The following MIPOL1 variants were observed in gnomAD, a reference collection of about 807,000 sequenced individuals.
The protein encoded by MIPOL1 is mirror-image polydactyly gene 1 protein.
In MIPOL1, 57 loss-of-function variants were observed where a neutral mutation model predicts 60.9. That is an observed-to-expected ratio of 0.94 (90% CI 0.76 to 1.17). The LOEUF (loss-of-function observed/expected upper bound fraction) is 1.17, where lower values mean the gene tolerates loss of function less well. Among genes scored for constraint, MIPOL1 ranks in the 50% most tolerant of loss-of-function variants. The pLI is 0.00. For missense variants in MIPOL1, 551 were observed against 511.6 expected (o/e 1.08, Z -0.74); for synonymous variants, 179 against 168.8 (o/e 1.06, Z -0.47).
At chr14:37,280,426 AAT>A (rs1189576221) in intron 6 of MIPOL1, among the ~76,000 whole-genome samples, 1 of 152,192 alleles carries the variant, frequency 6.6e-6, no homozygotes, top group East Asian at 1.9e-4. Flanking sequence ...AGTAATTTAC[AAT>A]ACCACCAACA....
At chr14:37,349,708 TTTC>T (rs1375772189) in intron 9 of MIPOL1, among the ~76,000 whole-genome samples, 4 of 152,306 alleles carry the variant, frequency 2.6e-5, no homozygotes, top group South Asian at 2.1e-4. Context: ...TTAACCTGTT[TTTC>T]TTCAACATTT....
At chr14:37,223,477 T>G (rs1330050951) in intron 1 of MIPOL1, among the ~76,000 whole-genome samples, 1 of 152,110 alleles carries the variant, frequency 6.6e-6, no homozygotes, top group Non-Finnish European at 1.5e-5. Context: ...TACCACAATA[T>G]TTTTCAGGAT....
At chr14:37,372,876 T>C (rs1280091063) in intron 10 of MIPOL1, among the ~76,000 whole-genome samples, 5 of 149,956 alleles carry the variant, frequency 3.3e-5, no homozygotes, top group Non-Finnish European at 7.4e-5. Context: ...ATTATACTGA[T>C]ACTAGTATAT....
intron 9 of MIPOL1, among the ~76,000 whole-genome samples, chr14:37,314,614 T>A (rs1026541993): frequency 2.0e-5 from 3 of 152,182 alleles, no homozygotes; most frequent in Admixed American, 6.5e-5. Context: ...TCTGTAAAGA[T>A]CACTCACATG....
At chr14:37,321,678 G>A (rs539454235) in intron 9 of MIPOL1, among the ~76,000 whole-genome samples, 2 of 152,006 alleles carry the variant, frequency 1.3e-5, no homozygotes, top group East Asian at 3.9e-4. Context: ...GATGTTTAAA[G>A]TATTCAATGA....
intron 12 of MIPOL1, among the ~76,000 whole-genome samples, chr14:37,512,285 C>T (rs1021529436): frequency 1.7e-5 from 1 of 59,194 alleles, no homozygotes; most frequent in Non-Finnish European, 3.0e-5. Context: ...TTCCTGCTGA[C>T]GAGTAAGAGT....
In MIPOL1 at chr14:37,538,077, A is replaced by G. The variant is rs556376537; in HGVS notation, c.1263-8828A>G. ...GCTTCTTTAGTTGCAGACTGACCTA[A>G]TAACTCAGTGATCTACTCACTAAGG... On this transcript the variant is annotated intron_variant, in intron 12 of 12. Coordinates refer to ENST00000684589, the MANE Select transcript of MIPOL1 (RefSeq NM_001388067.1). Among the ~76,000 whole-genome samples, 9 of 152,326 alleles carry G rather than the reference A, an allele frequency of 5.9e-5. No homozygotes were observed. The South Asian group carries it at 1.9e-3, about 32-fold the overall frequency.
chr14:37,350,099 T>C (rs984206664), intron 9 of MIPOL1, among the ~76,000 whole-genome samples: 1 of 152,148 alleles, frequency 6.6e-6, no homozygotes, highest in Non-Finnish European at 1.5e-5. Context: ...AGAAACAGGG[T>C]CTCACTCTGT....
At chr14:37,356,508 C>G (rs529773175) in intron 9 of MIPOL1, among the ~76,000 whole-genome samples, 3 of 152,104 alleles carry the variant, frequency 2.0e-5, no homozygotes, top group Admixed American at 6.5e-5. Flanking sequence ...CCCCCAGCCT[C>G]GCTGCCGCCT....
Position 37,426,956 on chromosome 14 carries a change from A to G in MIPOL1, c.1031+4007A>G, listed in dbSNP as rs113499391. Among the ~76,000 whole-genome samples, 506 of 152,196 alleles carry G rather than the reference A, an allele frequency of 3.3e-3. 5 individuals carry two copies. The highest frequency in any genetic ancestry group is 0.031 in the Middle Eastern group (9 of 294). ...AAAAAGATACAGAGAACTTTCCTGC[A>G]TCGCTGATGGGAATGTAAATTGATG... is the stretch of plus-strand genomic sequence containing the variant. On this transcript the variant is annotated intron_variant, in intron 11 of 12. Coordinates refer to ENST00000684589, the MANE Select transcript of MIPOL1 (RefSeq NM_001388067.1).
intron 9 of MIPOL1, among the ~76,000 whole-genome samples, chr14:37,331,754 T>C (rs1445988648): frequency 6.6e-6 from 1 of 152,182 alleles, no homozygotes; most frequent in Non-Finnish European, 1.5e-5. Context: ...TCGAGTATGC[T>C]TTATATCTTT....
At chr14:37,217,341 C>A (rs1967906166) in intron 1 of MIPOL1, among the ~76,000 whole-genome samples, 1 of 152,244 alleles carries the variant, frequency 6.6e-6, no homozygotes, top group Non-Finnish European at 1.5e-5. Flanking sequence ...TAATACCAAT[C>A]CCACTCAAAT....
chr14:37,499,996 G>A lies in MIPOL1; in HGVS notation c.1120G>A (p.Glu374Lys). ...STYEEALKNR[E>K]NIVSITQQQN... ...ATATGAAGAAGCTTTAAAAAACAGA[G>A]AGAACATTGTTTCCATCACTCAACA... The change falls in exon 12 of 13, where the codon GAG becomes AAG. Residue 374 changes from glutamate (E) to lysine (K), a missense_variant. By Grantham distance (56) the Glu-to-Lys change is moderately conservative (BLOSUM62 1). Coordinates refer to ENST00000684589, the MANE Select transcript of MIPOL1 (RefSeq NM_001388067.1). 6.2e-7 allele frequency: 1 copy of A among 1,612,788 alleles called. No individual in the cohort carries two copies. The highest frequency in any genetic ancestry group is 8.5e-7 in the Non-Finnish European group (1 of 1,178,904).
At chr14:37,537,266 T>C (rs751927316) in intron 12 of MIPOL1, among the ~76,000 whole-genome samples, 5 of 152,248 alleles carry the variant, frequency 3.3e-5, no homozygotes, top group Admixed American at 1.3e-4. Flanking sequence ...AAGTATGATA[T>C]CCATGTAAAC....
chr14:37,303,458 T>G (rs1211414882), intron 7 of MIPOL1, among the ~76,000 whole-genome samples: 1 of 151,932 alleles, frequency 6.6e-6, no homozygotes, highest in African/African-American at 2.4e-5. Flanking sequence ...TTTATTTGGT[T>G]TATTCTATCT....
chr14:37,534,620 G>C (rs2095497663), intron 12 of MIPOL1, among the ~76,000 whole-genome samples: 1 of 152,148 alleles, frequency 6.6e-6, no homozygotes, highest in Non-Finnish European at 1.5e-5. Context: ...TATTGGAATT[G>C]AGTTTTCTTG....
At chr14:37,411,829 C>T (rs1013466210) in intron 10 of MIPOL1, among the ~76,000 whole-genome samples, 3 of 152,222 alleles carry the variant, frequency 2.0e-5, no homozygotes, top group East Asian at 1.9e-4. Flanking sequence ...TCACCTTATT[C>T]GCCTATCACT....
intron 10 of MIPOL1, among the ~76,000 whole-genome samples, chr14:37,384,085 C>A (rs2093001021): frequency 2.0e-5 from 3 of 152,002 alleles, no homozygotes; most frequent in African/African-American, 7.2e-5. Flanking sequence ...AGATAACATG[C>A]ATATTTTATA....
intron 9 of MIPOL1, among the ~76,000 whole-genome samples, chr14:37,308,806 A>G (rs2087017434): frequency 6.6e-6 from 1 of 152,104 alleles, no homozygotes; most frequent in African/African-American, 2.4e-5. Context: ...ATATTTTTTC[A>G]ACTAATCACT....
Sources: gnomAD v4.1 joint callset for allele counts (sites outside exome capture counted in the v4.1 genomes callset) on GRCh38, gnomAD v4.1.1 for gene constraint, MANE v1.5 for transcripts, NCBI Gene and HGNC (gene_info 2026-07-23, HGNC 2026-07-21) for gene names.